POU6F2: variants seen among roughly 807,000 people sequenced by gnomAD.
POU6F2 encodes POU domain, class 6, transcription factor 2.
A neutral mutation model predicts 71.3 loss-of-function variants in POU6F2; 31 were observed. The observed-to-expected ratio is 0.43, with a 90% CI of 0.33 to 0.59. The LOEUF (loss-of-function observed/expected upper bound fraction) is 0.59, where lower values mean the gene tolerates loss of function less well. POU6F2 is among the 20% of genes least tolerant of loss of function. The probability of loss-of-function intolerance (pLI) is 0.04; values close to 1 mark genes in which losing one functional copy is unlikely to be tolerated. For missense variants in POU6F2, 783 were observed against 856.8 expected (o/e 0.91, Z 1.07); for synonymous variants, 347 against 355.7 (o/e 0.98, Z 0.27).
At chr7:39,213,909 A>G (rs575180060) in intron 4 of POU6F2, among the ~76,000 whole-genome samples, 1 of 152,024 alleles carries the variant, frequency 6.6e-6, no homozygotes. Flanking sequence ...CCTGTCCGTT[A>G]TCTTCCTTGG....
intron 5 of POU6F2, among the ~76,000 whole-genome samples, chr7:39,395,976 A>G (rs1787166674): frequency 6.6e-6 from 1 of 152,234 alleles, no homozygotes; most frequent in Admixed American, 6.5e-5. Context: ...TGAAATATCA[A>G]CAAATTCACC....
chr7:39,343,209 T>C (rs1453786312), intron 5 of POU6F2, among the ~76,000 whole-genome samples: 11 of 152,130 alleles, frequency 7.2e-5, no homozygotes, highest in African/African-American at 2.7e-4. Flanking sequence ...ATAAAAACAG[T>C]GTGTGGGACA....
intron 2 of POU6F2, among the ~76,000 whole-genome samples, chr7:39,124,046 G>GA (rs1319253604): frequency 1.6e-3 from 164 of 103,932 alleles, no homozygotes; most frequent in African/African-American, 6.4e-3. Flanking sequence ...CATAGACTGG[G>GA]CCTTTTTTTT....
chr7:39,396,818 T>G (rs1787182303), intron 5 of POU6F2, among the ~76,000 whole-genome samples: 1 of 152,010 alleles, frequency 6.6e-6, no homozygotes, highest in African/African-American at 2.4e-5. Context: ...TCTGTGGGGC[T>G]TTGGCCTAGT....
chr7:39,274,516 T>C (rs1397584702), intron 4 of POU6F2, among the ~76,000 whole-genome samples: 28 of 132,144 alleles, frequency 2.1e-4, no homozygotes, highest in Admixed American at 3.2e-4. Context: ...TTCCAATCAA[T>C]AGAAAAAGAG....
Position 39,465,204 on chromosome 7 carries a change from C to T in POU6F2, c.*518C>T, listed in dbSNP as rs1396213232. On this transcript the variant is annotated 3_prime_UTR_variant, in exon 10 of 10. Coordinates refer to ENST00000518318, the MANE Select transcript of POU6F2 (RefSeq NM_001370959.1). Reference sequence around the variant, plus strand: ...ACTAAGTGCTGATTCACTATGAAACCTATTAACCAAAGTCAGAAACATGGC... The same window carrying T: ...ACTAAGTGCTGATTCACTATGAAACTTATTAACCAAAGTCAGAAACATGGC... The T allele has an allele frequency of 6.5e-6, 1 of 152,800 alleles. No individual in the cohort carries two copies. The allele number at this position is 152,800 out of a possible 1,614,324, so 9.5% of individuals were successfully genotyped here. A position where few individuals can be genotyped will look rare whatever the true frequency, so the allele number is the denominator to read the frequency against.
chr7:39,420,984 A>G (rs911341688), intron 6 of POU6F2, among the ~76,000 whole-genome samples: 6 of 152,194 alleles, frequency 3.9e-5, no homozygotes, highest in African/African-American at 1.2e-4. Flanking sequence ...TGCCTTGCAA[A>G]TACTCTTTTT....
intron 1 of POU6F2, among the ~76,000 whole-genome samples, chr7:39,032,966 C>T (rs959613358): frequency 2.0e-4 from 31 of 152,100 alleles, no homozygotes; most frequent in African/African-American, 6.0e-4. Flanking sequence ...AAACAAATGG[C>T]GAATGTGTTA....
intron 1 of POU6F2, among the ~76,000 whole-genome samples, chr7:39,007,775 T>C (rs979240591): frequency 6.7e-6 from 1 of 150,030 alleles, no homozygotes; most frequent in Non-Finnish European, 1.5e-5. Context: ...GAATATGCGG[T>C]GTTTGGTTTT....
chr7:39,085,770 G>C, intron 1 of POU6F2, 90 bp from the exon 2 acceptor site: 1 of 1,289,240 alleles, frequency 7.8e-7, no homozygotes, highest in Non-Finnish European at 1.1e-6. Flanking sequence ...AAGAGAGAGA[G>C]AGAAGAGAGA....
intron 8 of POU6F2, among the ~76,000 whole-genome samples, chr7:39,453,861 C>G (rs1788720091): frequency 6.6e-6 from 1 of 152,126 alleles, no homozygotes; most frequent in African/African-American, 2.4e-5. Context: ...AAACTTCAAA[C>G]CCATATGCAG....
At chr7:39,308,972 G>A (rs796799468) in intron 4 of POU6F2, among the ~76,000 whole-genome samples, 4 of 152,320 alleles carry the variant, frequency 2.6e-5, no homozygotes, top group African/African-American at 7.2e-5. Flanking sequence ...GTCCTGTGGC[G>A]CAGCCACACG....
chr7:39,104,686 C>T (rs1215765187), intron 2 of POU6F2, among the ~76,000 whole-genome samples: 1 of 152,160 alleles, frequency 6.6e-6, no homozygotes, highest in Non-Finnish European at 1.5e-5. Flanking sequence ...AAGGCTGTTC[C>T]ATATTTGAGA....
chr7:39,287,973 G>A (rs1784681116), intron 4 of POU6F2, among the ~76,000 whole-genome samples: 1 of 152,184 alleles, frequency 6.6e-6, no homozygotes. Context: ...CAGTAGGGGA[G>A]ATTGCTGACT....
At chr7:39,150,191 G>A (rs1195815297) in intron 2 of POU6F2, among the ~76,000 whole-genome samples, 2 of 149,836 alleles carry the variant, frequency 1.3e-5, no homozygotes, top group African/African-American at 5.0e-5. Context: ...GGACCCAGCC[G>A]CAAGATTTCC....
At chr7:39,214,177 C>T (rs942620428) in intron 4 of POU6F2, among the ~76,000 whole-genome samples, 13 of 152,192 alleles carry the variant, frequency 8.5e-5, no homozygotes, top group Non-Finnish European at 4.4e-5. Flanking sequence ...GTTCCCTACA[C>T]CCTTCTCTTT....
intron 4 of POU6F2, among the ~76,000 whole-genome samples, chr7:39,270,303 A>G (rs1179695853): frequency 6.6e-6 from 1 of 152,220 alleles, no homozygotes; most frequent in Non-Finnish European, 1.5e-5. Flanking sequence ...AAGTAGCACC[A>G]TGGGTGCTTT....
chr7:39,116,624 GC>G (rs1052759020), intron 2 of POU6F2, among the ~76,000 whole-genome samples: 18 of 152,140 alleles, frequency 1.2e-4, no homozygotes, highest in Non-Finnish European at 2.4e-4. Context: ...GGTCTCTCTG[GC>G]CCCCAAAGGC....
At chr7:39,027,811 C>T (rs558697315) in intron 1 of POU6F2, among the ~76,000 whole-genome samples, 2 of 152,252 alleles carry the variant, frequency 1.3e-5, no homozygotes, top group Admixed American at 6.5e-5. Context: ...TATATTATAC[C>T]TCCATTGCTT....
Sources: allele counts gnomAD v4.1 joint callset (sites outside exome capture counted in the v4.1 genomes callset), GRCh38; gene constraint gnomAD v4.1.1; transcripts MANE v1.5; gene names NCBI Gene and HGNC (gene_info 2026-07-23, HGNC 2026-07-21).